The following DCDC2 variants were observed in gnomAD, a reference collection of about 807,000 sequenced individuals.
DCDC2 encodes doublecortin domain-containing protein 2.
DCDC2 carries 40 observed loss-of-function variants against 50.2 expected under a neutral mutation model. That is an observed-to-expected ratio of 0.80 (90% CI 0.62 to 1.04). DCDC2 has a LOEUF of 1.04. DCDC2 is among the 50% of genes least tolerant of loss of function. The probability of loss-of-function intolerance (pLI) is 0.00; values close to 1 mark genes in which losing one functional copy is unlikely to be tolerated. For synonymous variants in DCDC2, 234 were observed against 210.6 expected (o/e 1.11, Z -0.96); for missense variants, 570 against 581.9 (o/e 0.98, Z 0.21).
intron 2 of DCDC2, among the ~76,000 whole-genome samples, chr6:24,318,965 G>C (rs577410512): frequency 4.6e-5 from 7 of 152,210 alleles, no homozygotes; most frequent in African/African-American, 1.7e-4. Flanking sequence ...GGGACTGCCA[G>C]ACTGAATGGT....
At chr6:24,337,421 C>CAA (rs537457041) in intron 2 of DCDC2, among the ~76,000 whole-genome samples, 24 of 142,856 alleles carry the variant, frequency 1.7e-4, no homozygotes, top group African/African-American at 5.4e-4. Context: ...TTTGCAAAGC[C>CAA]AAAAAAAAAA....
At chr6:24,203,062 A>T (rs762032232) in intron 8 of DCDC2, among the ~76,000 whole-genome samples, 10 of 152,224 alleles carry the variant, frequency 6.6e-5, no homozygotes, top group Non-Finnish European at 1.5e-4. Flanking sequence ...CATACTGCCC[A>T]AAGTAAGGTA....
At chr6:24,225,974 A>T (rs867060651) in intron 7 of DCDC2, among the ~76,000 whole-genome samples, 2 of 152,230 alleles carry the variant, frequency 1.3e-5, no homozygotes, top group African/African-American at 4.8e-5. Context: ...ATTTTAGCCT[A>T]CAAGTCTGTC....
At chr6:24,265,770 G>C (rs189558308) in intron 7 of DCDC2, among the ~76,000 whole-genome samples, 9 of 151,236 alleles carry the variant, frequency 6.0e-5, no homozygotes, top group Admixed American at 5.9e-4. Context: ...GTACTAAGAG[G>C]AAAGTTGATA....
intron 2 of DCDC2, among the ~76,000 whole-genome samples, chr6:24,329,032 G>T (rs1253229702): frequency 6.6e-6 from 1 of 152,108 alleles, no homozygotes; most frequent in Non-Finnish European, 1.5e-5. Flanking sequence ...TAAACTTAAG[G>T]CTATTTGTTT....
intron 7 of DCDC2, among the ~76,000 whole-genome samples, chr6:24,248,260 A>G (rs1314757845): frequency 2.0e-5 from 3 of 152,200 alleles, no homozygotes; most frequent in Non-Finnish European, 4.4e-5. Flanking sequence ...TTATTACCAC[A>G]GGACACCATA....
At chr6:24,285,139 C>A (rs1196824469) in intron 6 of DCDC2, among the ~76,000 whole-genome samples, 2 of 152,054 alleles carry the variant, frequency 1.3e-5, no homozygotes, top group Non-Finnish European at 2.9e-5. Flanking sequence ...CAGTTCCTGG[C>A]ACTTAGTAGG....
chr6:24,288,016 C>T (rs1763650465), intron 6 of DCDC2, among the ~76,000 whole-genome samples: 1 of 152,056 alleles, frequency 6.6e-6, no homozygotes, highest in Non-Finnish European at 1.5e-5. Flanking sequence ...AATTATTTGT[C>T]TTTCTTTCAA....
chr6:24,309,091 C>T (rs807689), intron 2 of DCDC2, among the ~76,000 whole-genome samples: 117,021 of 152,064 alleles, frequency 0.77, 47,665 homozygotes, highest in East Asian at 0.99. Context: ...CTTGGGGAGG[C>T]CAAGGTGGGT....
chr6:24,276,756 GT>G (rs1763367374), intron 7 of DCDC2, among the ~76,000 whole-genome samples: 2 of 151,742 alleles, frequency 1.3e-5, no homozygotes, highest in Admixed American at 1.3e-4. Flanking sequence ...TAGCCTCCTT[GT>G]TTGCTACTCA....
chr6:24,257,936 A>C (rs1762927750), intron 7 of DCDC2, among the ~76,000 whole-genome samples: 1 of 152,170 alleles, frequency 6.6e-6, no homozygotes, highest in African/African-American at 2.4e-5. Flanking sequence ...ATTAGCTCTG[A>C]TTGAGTGTGA....
chr6:24,198,808 T>A (rs1356568251), intron 8 of DCDC2, among the ~76,000 whole-genome samples: 1 of 152,128 alleles, frequency 6.6e-6, no homozygotes, highest in African/African-American at 2.4e-5. Flanking sequence ...CCTGGGACAC[T>A]CAAGCTTGGT....
intron 7 of DCDC2, among the ~76,000 whole-genome samples, chr6:24,225,150 T>C (rs1015034489): frequency 7.2e-5 from 11 of 152,162 alleles, no homozygotes; most frequent in Non-Finnish European, 1.5e-5. Context: ...TTATAAGTGG[T>C]TGCTAGGTCT....
At chr6:24,175,254 T>C (rs1760877134) in intron 9 of DCDC2, among the ~76,000 whole-genome samples, 1 of 152,220 alleles carries the variant, frequency 6.6e-6, no homozygotes, top group South Asian at 2.1e-4. Context: ...GTGAATATGG[T>C]ACCAAGTACC....
intron 7 of DCDC2, among the ~76,000 whole-genome samples, chr6:24,247,843 A>G (rs6923477): frequency 0.99 from 151,348 of 152,322 alleles, 75,194 homozygotes; most frequent in Middle Eastern, 1. Context: ...GGGAGGCTGA[A>G]GCGGGTGGAT....
intron 2 of DCDC2, among the ~76,000 whole-genome samples, chr6:24,324,539 T>C (rs1759825367): frequency 6.6e-6 from 1 of 152,176 alleles, no homozygotes; most frequent in Non-Finnish European, 1.5e-5. Context: ...TTTTTCATAT[T>C]TTGCCTCGTC....
At chr6:24,240,943 T>C (rs79182099) in intron 7 of DCDC2, among the ~76,000 whole-genome samples, 1,770 of 152,324 alleles carry the variant, frequency 0.012, 41 homozygotes, top group African/African-American at 0.04. Flanking sequence ...AGAATGTCTG[T>C]TCACAAAGTG....
At chr6:24,296,533 A>T (rs1191922752) in intron 4 of DCDC2, among the ~76,000 whole-genome samples, 7 of 152,216 alleles carry the variant, frequency 4.6e-5, no homozygotes, top group Admixed American at 4.6e-4. Flanking sequence ...GTAAACAGAT[A>T]AACTACAGAA....
At chr6:24,187,115 T>C (rs912802157) in intron 8 of DCDC2, among the ~76,000 whole-genome samples, 5 of 152,110 alleles carry the variant, frequency 3.3e-5, no homozygotes, top group Non-Finnish European at 5.9e-5. Flanking sequence ...CTCATACTAA[T>C]ACTCTTTCAC....
Sources: allele counts gnomAD v4.1 joint callset (sites outside exome capture counted in the v4.1 genomes callset), GRCh38; gene constraint gnomAD v4.1.1; transcripts MANE v1.5; gene names NCBI Gene and HGNC (gene_info 2026-07-23, HGNC 2026-07-21).